PEX7: variants seen among roughly 807,000 people sequenced by gnomAD.
PEX7 encodes the protein PTS2 receptor.
A neutral mutation model predicts 47.5 loss-of-function variants in PEX7; 34 were observed. That is an observed-to-expected ratio of 0.72 (90% CI 0.54 to 0.95). PEX7 has a LOEUF of 0.95. Among genes scored for constraint, PEX7 ranks in the 40% least tolerant of loss-of-function variants. PEX7 has a pLI of 0.00. For synonymous variants in PEX7, 141 were observed against 148.8 expected (o/e 0.95, Z 0.38); for missense variants, 394 against 400.3 (o/e 0.98, Z 0.13).
At chr6:136,885,758 G>A (rs1775457780) in intron 8 of PEX7, among the ~76,000 whole-genome samples, 1 of 152,214 alleles carries the variant, frequency 6.6e-6, no homozygotes, top group African/African-American at 2.4e-5. Context: ...TAAATAGGGA[G>A]TACTGGAAGA....
At chr6:136,841,489 C>T (rs1166130153) in intron 3 of PEX7, among the ~76,000 whole-genome samples, 2 of 152,178 alleles carry the variant, frequency 1.3e-5, no homozygotes, top group African/African-American at 4.8e-5. Context: ...ACATTTTAGC[C>T]AGCCCTCAGG....
At chr6:136,837,736 A>G (rs1039457316) in intron 3 of PEX7, among the ~76,000 whole-genome samples, 1 of 152,138 alleles carries the variant, frequency 6.6e-6, no homozygotes, top group Non-Finnish European at 1.5e-5. Context: ...TAGAAGGTAC[A>G]ACTTGAAGGG....
chr6:136,837,393 A>C (rs1471212913), intron 3 of PEX7, among the ~76,000 whole-genome samples: 1 of 151,608 alleles, frequency 6.6e-6, no homozygotes, highest in Non-Finnish European at 1.5e-5. Flanking sequence ...AAAGTTTTAA[A>C]GTGAGAGAAA....
At chr6:136,906,772 T>G (rs560786185) in intron 9 of PEX7, among the ~76,000 whole-genome samples, 1 of 152,310 alleles carries the variant, frequency 6.6e-6, no homozygotes, top group African/African-American at 2.4e-5. Context: ...CCTGTGATGC[T>G]TTTAAACCAC....
At chr6:136,891,917 G>C (rs1272761865) in intron 8 of PEX7, among the ~76,000 whole-genome samples, 1 of 152,018 alleles carries the variant, frequency 6.6e-6, no homozygotes, top group Non-Finnish European at 1.5e-5. Context: ...AGTGCTACCG[G>C]GCCCGACCAC....
chr6:136,823,431 G>T, intron 1 of PEX7: 1 of 876,404 alleles, frequency 1.1e-6, no homozygotes, highest in Non-Finnish European at 1.4e-6. Context: ...CATTGGCTCA[G>T]CCTGTGGTTA....
chr6:136,831,363 A>G (rs550131927), intron 3 of PEX7, among the ~76,000 whole-genome samples: 3 of 152,314 alleles, frequency 2.0e-5, no homozygotes, highest in Non-Finnish European at 2.9e-5. Context: ...AACTGCCCCC[A>G]TGATCCGATC....
chr6:136,829,168 G>A (rs1300779647), intron 3 of PEX7, among the ~76,000 whole-genome samples: 1 of 152,186 alleles, frequency 6.6e-6, no homozygotes, highest in Non-Finnish European at 1.5e-5. Context: ...TGTTACAGCA[G>A]CACCCCTAAT....
At position 136,898,167 on chromosome 6, in the gene PEX7, T is replaced by C; in HGVS notation, c.829T>C (p.Ser277Pro). 1.2e-6 allele frequency: 2 copies of C among 1,611,444 alleles called. No homozygotes were observed. The highest frequency in any genetic ancestry group is 1.7e-4 in the Middle Eastern group (1 of 6,056). Residue 277 changes from serine to proline, a missense_variant, in exon 9 of 10, where the codon TCT (serine) becomes CCT (proline). Transcript: ENST00000318471. Reference sequence around the variant, plus strand: ...ATTCTGGAACTTTTCAAAGCCTGACTCTCTTCTTGAAACAGTGGAGCATCA... The same window carrying C: ...ATTCTGGAACTTTTCAAAGCCTGACCCTCTTCTTGAAACAGTGGAGCATCA... ...VRFWNFSKPD[S>P]LLETVEHHTE...
chr6:136,834,992 T>A (rs896766456), intron 3 of PEX7, among the ~76,000 whole-genome samples: 1 of 152,098 alleles, frequency 6.6e-6, no homozygotes, highest in Non-Finnish European at 1.5e-5. Context: ...CAGGCTGGAG[T>A]GCAATGGTGC....
At chr6:136,880,108 G>A (rs1294628280) in intron 8 of PEX7, among the ~76,000 whole-genome samples, 6 of 150,618 alleles carry the variant, frequency 4.0e-5, no homozygotes, top group African/African-American at 9.8e-5. Context: ...AATATGTTAC[G>A]GTTTTCTACT....
chr6:136,876,500 C>T (rs1241589977), intron 8 of PEX7, among the ~76,000 whole-genome samples: 3 of 152,126 alleles, frequency 2.0e-5, no homozygotes, highest in African/African-American at 7.2e-5. Flanking sequence ...GTCCCCCACC[C>T]CCCAAAAGGC....
At position 136,822,708 on chromosome 6, in the gene PEX7, C is replaced by G; in HGVS notation, c.43C>G (p.Pro15Ala). The change falls in exon 1 of 10, where the codon CCG becomes GCG. Residue 15 changes from proline (P) to alanine (A), a missense_variant. Coordinates refer to ENST00000318471, the MANE Select transcript of PEX7 (RefSeq NM_000288.4). ...TGGAGCGGCGCGGATGCTGCGGACG[C>G]CGGGACGCCACGGCTACGCCGCCGA... ...CGGAARMLRT[P>A]GRHGYAAEFS... is the part of the protein sequence containing the mutation. 1 of 1,517,556 alleles carries G rather than the reference C, an allele frequency of 6.6e-7. No individual in the cohort carries two copies. The highest frequency in any genetic ancestry group is 1.4e-5 in the African/African-American group (1 of 70,354). 94.0% of individuals were successfully genotyped at this position (1,517,556 alleles called of 1,614,324 possible).
At chr6:136,850,031 G>T (rs1327988772) in intron 5 of PEX7, among the ~76,000 whole-genome samples, 4 of 152,014 alleles carry the variant, frequency 2.6e-5, no homozygotes, top group Non-Finnish European at 4.4e-5. Context: ...ATGAATCTGG[G>T]TGCTCCTGTA....
At chr6:136,827,900 C>A (rs1774225804) in intron 3 of PEX7, among the ~76,000 whole-genome samples, 1 of 151,958 alleles carries the variant, frequency 6.6e-6, no homozygotes, top group Non-Finnish European at 1.5e-5. Flanking sequence ...CTATGTTGCC[C>A]AGGCTAGTTT....
intron 9 of PEX7, 92 bp from the exon 10 acceptor site, chr6:136,913,366 T>G (rs970454612): frequency 2.4e-6 from 2 of 849,850 alleles, no homozygotes; most frequent in Non-Finnish European, 2.0e-6. Flanking sequence ...GTGGATGATT[T>G]ACGACACTCT....
At chr6:136,906,909 CCT>C (rs2115289584) in intron 9 of PEX7, among the ~76,000 whole-genome samples, 1 of 152,264 alleles carries the variant, frequency 6.6e-6, no homozygotes, top group East Asian at 1.9e-4. Flanking sequence ...CCATTAATTC[CCT>C]TCAGTGTAGA....
In PEX7 at chr6:136,872,217, C is replaced by G. The variant is rs1426323452; in HGVS notation, c.767C>G (p.Ser256Cys). Residue 256 changes from serine to cysteine, a missense_variant, in exon 8 of 10, where the codon TCT (serine) becomes TGT (cysteine). Ser to Cys is a moderately radical substitution (Grantham distance 112). Transcript: ENST00000318471. Reference protein sequence around the residue: ...RRVKFSPFHASVLASCSYDFT... With the variant: ...RRVKFSPFHACVLASCSYDFT... ...TTGTAGTTTTCACCATTTCATGCTT[C>G]TGTGCTGGCCTCTTGCTCGTATGAT... 1 of 1,592,402 alleles carries G rather than the reference C, an allele frequency of 6.3e-7. No homozygotes were observed. The highest frequency in any genetic ancestry group is 8.5e-7 in the Non-Finnish European group (1 of 1,171,728).
In PEX7 at chr6:136,875,282, GTATT is replaced by G. The variant is rs559322442; in HGVS notation, c.803+3032_803+3035del. On this transcript the variant is annotated intron_variant, in intron 8 of 9. Transcript: ENST00000318471. Reference sequence around the variant, plus strand: ...ATTTTTATTCTTTCATTTTGTTAAAGTATTTAAGGCTATAAATTTTTTTCTGGTT... The same window carrying G: ...ATTTTTATTCTTTCATTTTGTTAAAGTAAGGCTATAAATTTTTTTCTGGTT... Among the ~76,000 whole-genome samples, 317 of 134,876 alleles carry G rather than the reference GTATT, an allele frequency of 2.4e-3. 2 individuals carry two copies. Among genetic ancestry groups the G allele is most frequent in the African/African-American group, 8.2e-3 (293 of 35,768 alleles). The allele number at this position is 134,876 out of a possible 152,430, so 88.5% of individuals were successfully genotyped here.
Sources: gnomAD v4.1 joint callset for allele counts (sites outside exome capture counted in the v4.1 genomes callset) on GRCh38, gnomAD v4.1.1 for gene constraint, MANE v1.5 for transcripts, NCBI Gene and HGNC (gene_info 2026-07-23, HGNC 2026-07-21) for gene names.